The following ANKRD55 variants were observed in gnomAD, a reference collection of about 807,000 sequenced individuals.
ANKRD55 encodes ankyrin repeat domain-containing protein 55.
ANKRD55 carries 41 observed loss-of-function variants against 60.6 expected under a neutral mutation model. The observed-to-expected ratio is 0.68, with a 90% CI of 0.53 to 0.88. The LOEUF (loss-of-function observed/expected upper bound fraction) is 0.88. ANKRD55 is among the 40% of genes least tolerant of loss of function. ANKRD55 has a pLI of 0.00. For missense variants in ANKRD55, 732 were observed against 767.6 expected, an observed-to-expected ratio of 0.95 and a Z score of 0.55; for synonymous variants, 264 against 290.3, an observed-to-expected ratio of 0.91 and a Z score of 0.92.
At chr5:56,203,579 T>C (rs1759429813) in intron 2 of ANKRD55, among the ~76,000 whole-genome samples, 1 of 152,164 alleles carries the variant, frequency 6.6e-6, no homozygotes, top group South Asian at 2.1e-4. Flanking sequence ...AGTGAGAACA[T>C]GCGGTGTTTG....
At chr5:56,199,119 A>G (rs1189154827) in intron 2 of ANKRD55, among the ~76,000 whole-genome samples, 1 of 151,966 alleles carries the variant, frequency 6.6e-6, no homozygotes, top group East Asian at 1.9e-4. Context: ...AAAAACCCAA[A>G]CACGTGTTTA....
At chr5:56,168,901 G>A (rs550612575) in intron 5 of ANKRD55, among the ~76,000 whole-genome samples, 16 of 152,374 alleles carry the variant, frequency 1.1e-4, no homozygotes, top group African/African-American at 3.4e-4. Context: ...TTGTCGCCCA[G>A]CCTGGAGTGC....
At chr5:56,130,961 A>G (rs943008942) in intron 7 of ANKRD55, among the ~76,000 whole-genome samples, 1 of 152,224 alleles carries the variant, frequency 6.6e-6, no homozygotes, top group African/African-American at 2.4e-5. Context: ...AAGACTGAAA[A>G]AAACAGAACA....
intron 4 of ANKRD55, among the ~76,000 whole-genome samples, chr5:56,173,364 C>A (rs1346644709): frequency 6.8e-6 from 1 of 146,114 alleles, no homozygotes; most frequent in Non-Finnish European, 1.5e-5. Flanking sequence ...CGCCTGGCTA[C>A]ATTTTGTATT....
intron 2 of ANKRD55, among the ~76,000 whole-genome samples, chr5:56,202,929 G>A (rs1759413808): frequency 6.6e-6 from 1 of 152,134 alleles, no homozygotes; most frequent in Non-Finnish European, 1.5e-5. Context: ...ATTCAGTAAA[G>A]ATGCCTCTTA....
At chr5:56,215,039 G>A (rs965816489) in intron 2 of ANKRD55, among the ~76,000 whole-genome samples, 2 of 152,088 alleles carry the variant, frequency 1.3e-5, no homozygotes, top group Admixed American at 6.5e-5. Flanking sequence ...GGGTAAAGTC[G>A]ATGGGCCCAC....
At position 56,126,931 on chromosome 5, in the gene ANKRD55, A is replaced by G. The variant is rs1757277270; in HGVS notation, c.788T>C (p.Val263Ala). The G allele has an allele frequency of 1.2e-6, 2 of 1,605,122 alleles. No homozygotes were observed. The highest frequency in any genetic ancestry group is 1.7e-6 in the Non-Finnish European group (2 of 1,174,992). Residue 263 changes from valine to alanine, a missense_variant, in exon 8 of 12, where the codon GTG becomes GCG. Physicochemically the swap from Val to Ala is moderately conservative, Grantham distance 64. This residue lies in a region of ANKRD55 where 597 missense variants were observed against 607.5 expected (regional missense o/e 0.98). Transcript: ENST00000341048. Reference protein sequence around the residue: ...VPECNLQALDVDDRTPLHWAA... With the variant: ...VPECNLQALDADDRTPLHWAA... ...TGGTTACCATGGATACCTGTCATCC[A>G]CATCCAGAGCCTGCAGGTTACACTC...
intron 3 of ANKRD55, among the ~76,000 whole-genome samples, chr5:56,182,826 G>T (rs980715130): frequency 6.6e-6 from 1 of 152,220 alleles, no homozygotes; most frequent in African/African-American, 2.4e-5. Context: ...AGTGGGGCTG[G>T]AGCCCCATGG....
chr5:56,231,513 G>A (rs1420146173), intron 2 of ANKRD55, among the ~76,000 whole-genome samples: 1 of 152,106 alleles, frequency 6.6e-6, no homozygotes, highest in Non-Finnish European at 1.5e-5. Flanking sequence ...GTTCTTAGCA[G>A]ATTTTCACTT....
intron 2 of ANKRD55, among the ~76,000 whole-genome samples, chr5:56,207,178 C>G (rs1759533344): frequency 6.6e-6 from 1 of 152,186 alleles, no homozygotes; most frequent in Non-Finnish European, 1.5e-5. Context: ...CATGTAACAA[C>G]TACCTTTTCA....
intron 6 of ANKRD55, among the ~76,000 whole-genome samples, chr5:56,153,545 G>C (rs1019930956): frequency 5.5e-4 from 84 of 152,266 alleles, no homozygotes; most frequent in African/African-American, 1.9e-3. Context: ...GCCATTAAAA[G>C]GAATGAGCCA....
rs146188421 is a variant in ANKRD55, at chr5:56,164,638, G to A, written c.423-4745C>T. Among the ~76,000 whole-genome samples the A allele has an allele frequency of 4.6e-4, 70 of 152,286 alleles. No individual in the cohort carries two copies. In the South Asian group the frequency reaches 7.5e-3, roughly 16 times the overall value. On this transcript the variant is annotated intron_variant, in intron 5 of 11. Transcript: ENST00000341048. ...TTGCCTTCCAACACTAGCATGTGCA[G>A]CGTTGTACAAACACAACTCTGTTCT...
intron 2 of ANKRD55, among the ~76,000 whole-genome samples, chr5:56,195,376 A>G (rs927341230): frequency 6.6e-6 from 1 of 152,146 alleles, no homozygotes; most frequent in Non-Finnish European, 1.5e-5. Flanking sequence ...AAAGATTTAC[A>G]TTTCCCTTAT....
intron 7 of ANKRD55, among the ~76,000 whole-genome samples, chr5:56,129,803 A>AT (rs1392846245): frequency 6.6e-6 from 1 of 152,108 alleles, no homozygotes; most frequent in Non-Finnish European, 1.5e-5. Context: ...TTGTCTTGTG[A>AT]TGGTGACCAT....
intron 7 of ANKRD55, chr5:56,137,051 C>A (rs1757622573): frequency 2.5e-6 from 2 of 785,792 alleles, no homozygotes; most frequent in South Asian, 1.4e-5. Flanking sequence ...TCTTCGTGTT[C>A]ACTTTACGAA....
intron 6 of ANKRD55, among the ~76,000 whole-genome samples, chr5:56,159,163 C>G (rs184097319): frequency 2.6e-4 from 39 of 152,288 alleles, no homozygotes; most frequent in African/African-American, 8.7e-4. Context: ...CCATCTTACA[C>G]GAGAGAGCAT....
At position 56,163,076 on chromosome 5, in the gene ANKRD55, G is replaced by A. The variant is rs1317189051; in HGVS notation, c.423-3183C>T. Among the ~76,000 whole-genome samples the A allele has an allele frequency of 1.6e-4, 24 of 152,050 alleles. 1 individual carries two copies. Among genetic ancestry groups the A allele is most frequent in the Admixed American group, 1.6e-3 (24 of 15,270 alleles). ...GTGACTGATATGTGATGATCTATGT[G>A]GCCCAACTCCACTTGACTGTGAAGT... On this transcript the variant is annotated intron_variant, in intron 5 of 11. Transcript: ENST00000341048.
chr5:56,167,600 A>G (rs1224598419), intron 5 of ANKRD55, among the ~76,000 whole-genome samples: 1 of 152,242 alleles, frequency 6.6e-6, no homozygotes, highest in Non-Finnish European at 1.5e-5. Flanking sequence ...TAGCATTGCC[A>G]TAACTAAAGC....
intron 7 of ANKRD55, among the ~76,000 whole-genome samples, chr5:56,129,670 C>A (rs184854122): frequency 6.6e-6 from 1 of 152,086 alleles, no homozygotes; most frequent in African/African-American, 2.4e-5. Context: ...GTCTAGTGGG[C>A]GATTTAAGAC....
Sources: allele counts gnomAD v4.1 joint callset (sites outside exome capture counted in the v4.1 genomes callset), GRCh38; gene constraint gnomAD v4.1.1; regional missense constraint gnomAD v4.1.1; transcripts MANE v1.5; gene names NCBI Gene and HGNC (gene_info 2026-07-23, HGNC 2026-07-21).